The following DYNC1LI2 variants were observed in gnomAD, a reference collection of about 807,000 sequenced individuals.
DYNC1LI2 encodes cytoplasmic dynein 1 light intermediate chain 2.
A neutral mutation model predicts 57.8 loss-of-function variants in DYNC1LI2; 19 were observed. The observed-to-expected ratio is 0.33, with a 90% confidence interval of 0.23 to 0.48. The LOEUF (loss-of-function observed/expected upper bound fraction) is 0.48. Among genes scored for constraint, DYNC1LI2 ranks in the 20% least tolerant of loss-of-function variants. The probability of loss-of-function intolerance (pLI) is 0.99; values close to 1 mark genes in which losing one functional copy is unlikely to be tolerated. For synonymous variants in DYNC1LI2, 256 were observed against 233.4 expected (o/e 1.10, Z -0.88); for missense variants, 470 against 604.2 (o/e 0.78, Z 2.33).
At chr16:66,725,766 C>T in intron 12 of DYNC1LI2, 62 bp downstream of exon 12, 7 of 1,539,210 alleles carry the variant, frequency 4.5e-6, no homozygotes, top group Non-Finnish European at 6.2e-6. Context: ...AGGTGTCTGC[C>T]TCTCCATCCT....
chr16:66,751,244 T>A lies in DYNC1LI2; in HGVS notation c.181+29A>T, dbSNP rs777091990. On this transcript the variant is annotated intron_variant, in intron 2 of 12. Coordinates refer to ENST00000258198, the MANE Select transcript of DYNC1LI2 (RefSeq NM_006141.3). The surrounding 1 kb of genome is among the most constrained non-coding windows in gnomAD (Gnocchi z 5.2). ...GCCCGCCTCGCCCACCCCAGCGACCTGGGGCAACGCCCCGCCGCCGGCGCT... is the reference window on the plus strand; with the variant it reads ...GCCCGCCTCGCCCACCCCAGCGACCAGGGGCAACGCCCCGCCGCCGGCGCT... The A allele has an allele frequency of 6.2e-7, 1 of 1,606,794 alleles. No homozygotes were observed. The highest frequency in any genetic ancestry group is 1.7e-5 in the Admixed American group (1 of 59,540).
At position 66,751,316 on chromosome 16, in the gene DYNC1LI2, G is replaced by A. The variant is rs148604337; in HGVS notation, c.138C>T (p.Arg46=). The change falls in exon 2 of 13, where the codon CGC becomes CGT. Residue 46 remains arginine, a synonymous_variant. Coordinates refer to ENST00000258198, the MANE Select transcript of DYNC1LI2 (RefSeq NM_006141.3). The surrounding 1 kb of genome is among the most constrained non-coding windows in gnomAD (Gnocchi z 5.2). ...TGCCGGACGGCAGCTTGGACCTGGC[G>A]CGGGTGGACACTTCGCTCAGAATGG... is the stretch of plus-strand genomic sequence containing the variant. ...WSSILSEVST[R]ARSKLPSGKN... 89 of 1,612,382 alleles carry A rather than the reference G, an allele frequency of 5.5e-5. No individual in the cohort carries two copies. The African/African-American group carries it at 1.1e-3, about 19-fold the overall frequency.
chr16:66,739,099 A>G (rs958720527), intron 4 of DYNC1LI2: 3 of 152,208 alleles, frequency 2.0e-5, no homozygotes, highest in African/African-American at 7.2e-5. Context: ...CTTCAAATCA[A>G]TAAAATATAC....
chr16:66,745,073 T>G (rs1019654690), intron 3 of DYNC1LI2, among the ~76,000 whole-genome samples: 1 of 151,702 alleles, frequency 6.6e-6, no homozygotes, highest in Non-Finnish European at 1.5e-5. Flanking sequence ...TACGCCCAGC[T>G]AATTTTTGCA....
At chr16:66,723,996 C>T (rs536349651) in intron 12 of DYNC1LI2, among the ~76,000 whole-genome samples, 174 bp from the exon 13 acceptor site, 1 of 152,258 alleles carries the variant, frequency 6.6e-6, no homozygotes, top group Non-Finnish European at 1.5e-5. Flanking sequence ...CAACTCGGCA[C>T]ATCCTAATCC....
chr16:66,735,400 C>A (rs2017715974), intron 5 of DYNC1LI2, among the ~76,000 whole-genome samples: 1 of 152,136 alleles, frequency 6.6e-6, no homozygotes, highest in Admixed American at 6.6e-5. Flanking sequence ...TCTGGCATGA[C>A]TGAACTTAAT....
intron 4 of DYNC1LI2, among the ~76,000 whole-genome samples, chr16:66,741,897 CAAA>C (rs66527903): frequency 0.22 from 23,296 of 107,692 alleles, 1,359 homozygotes; most frequent in South Asian, 0.32. Flanking sequence ...ATGTTAATTA[CAAA>C]AAAAAAAAAA....
intron 7 of DYNC1LI2, chr16:66,731,976 C>T: frequency 5.4e-6 from 1 of 184,884 alleles, no homozygotes; most frequent in Non-Finnish European, 1.1e-5. Flanking sequence ...TGTTTGCAGT[C>T]ATCCCTGCCA....
At chr16:66,736,383 C>CA (rs1267278897) in intron 4 of DYNC1LI2, 139 bp from the exon 5 acceptor site, 3 of 997,010 alleles carry the variant, frequency 3.0e-6, no homozygotes, top group Non-Finnish European at 2.9e-6. Context: ...CATCCAACTG[C>CA]AAAATCAAGG....
At chr16:66,737,836 T>TGG (rs1329132658) in intron 4 of DYNC1LI2, among the ~76,000 whole-genome samples, 1 of 152,238 alleles carries the variant, frequency 6.6e-6, no homozygotes, top group African/African-American at 2.4e-5. Context: ...CCCACAGCTC[T>TGG]GCACCTTTAT....
Position 66,742,743 on chromosome 16 carries a change from A to G in DYNC1LI2, c.299-75T>C, listed in dbSNP as rs937607591. 9.4e-6 allele frequency: 14 copies of G among 1,489,998 alleles called. No individual in the cohort carries two copies. The South Asian group carries it at 1.7e-4, about 18-fold the overall frequency. The allele number at this position is 1,489,998 out of a possible 1,614,324, so 92.3% of individuals were successfully genotyped here. ...GCATAGCTGCAGAAACAGACACATC[A>G]GGAAGATCTTGAAGGTGACAGCTAT... On this transcript the variant is annotated intron_variant, in intron 3 of 12. Transcript: ENST00000258198.
At chr16:66,728,909 A>G in intron 9 of DYNC1LI2, 131 bp downstream of exon 9, 1 of 887,396 alleles carries the variant, frequency 1.1e-6, no homozygotes. Context: ...GAATGAGGAG[A>G]CCTGGTCTCA....
chr16:66,741,340 T>G (rs1319904973), intron 4 of DYNC1LI2, among the ~76,000 whole-genome samples: 1 of 152,170 alleles, frequency 6.6e-6, no homozygotes, highest in African/African-American at 2.4e-5. Flanking sequence ...TCTAGAAAGG[T>G]CAGTGGTTGA....
intron 3 of DYNC1LI2, among the ~76,000 whole-genome samples, chr16:66,746,960 A>G (rs2083091661): frequency 6.6e-6 from 1 of 152,210 alleles, no homozygotes; most frequent in African/African-American, 2.4e-5. Flanking sequence ...AAAAGACTCA[A>G]TACATGTGAG....
At chr16:66,733,265 G>T (rs573070519) in intron 6 of DYNC1LI2, 4 of 152,180 alleles carry the variant, frequency 2.6e-5, no homozygotes, top group Non-Finnish European at 5.9e-5. Context: ...CAAATGTATA[G>T]CATTAATTAA....
At chr16:66,727,599 C>G in intron 11 of DYNC1LI2, 89 bp downstream of exon 11, 1 of 1,271,198 alleles carries the variant, frequency 7.9e-7, no homozygotes. Flanking sequence ...TGAGTCTCCA[C>G]CTTATAGACT....
chr16:66,741,022 A>G (rs556845530), intron 4 of DYNC1LI2, among the ~76,000 whole-genome samples: 2 of 152,332 alleles, frequency 1.3e-5, no homozygotes, highest in South Asian at 4.1e-4. Context: ...TAAGCCCCCC[A>G]GAAGCAGGCC....
intron 3 of DYNC1LI2, among the ~76,000 whole-genome samples, chr16:66,748,170 T>C (rs576822457): frequency 6.8e-6 from 1 of 148,070 alleles, no homozygotes; most frequent in Non-Finnish European, 1.5e-5. Flanking sequence ...CCCAGCTGCT[T>C]AGGAGGATGA....
chr16:66,723,584 GTT>G lies in DYNC1LI2; in HGVS notation c.*136_*137del, dbSNP rs80335537. Reference sequence around the variant, plus strand: ...TTTCACACTCGGACAAGCCAATGAAGTTTTTTTTTTTTTTTTAAAGTTCATCT... The same window carrying G: ...TTTCACACTCGGACAAGCCAATGAAGTTTTTTTTTTTTTTAAAGTTCATCT... On this transcript the variant is annotated 3_prime_UTR_variant, in exon 13 of 13. Transcript: ENST00000258198. The G allele has an allele frequency of 7.4e-4, 429 of 582,170 alleles. No homozygotes were observed. Among genetic ancestry groups the G allele is most frequent in the East Asian group, 1.0e-3 (31 of 30,780 alleles). The allele number at this position is 582,170 out of a possible 1,614,324, so 36.1% of individuals were successfully genotyped here.
Sources: gnomAD v4.1 joint callset for allele counts (sites outside exome capture counted in the v4.1 genomes callset) on GRCh38, gnomAD v4.1.1 for gene constraint, Gnocchi (gnomAD v3.1) non-coding constraint, MANE v1.5 for transcripts, NCBI Gene and HGNC (gene_info 2026-07-23, HGNC 2026-07-21) for gene names.